The following PARD3 variants were observed in gnomAD, a reference collection of about 807,000 sequenced individuals.
PARD3 encodes par-3 family cell polarity regulator.
In PARD3, 75 loss-of-function variants were observed where a neutral mutation model predicts 155.4. That is an observed-to-expected ratio of 0.48 (90% confidence interval 0.40 to 0.58). The LOEUF is 0.58. Ranked by LOEUF, PARD3 falls within the 20% of genes least tolerant of loss-of-function variation. The probability of loss-of-function intolerance (pLI) is 0.00; values close to 1 mark genes in which losing one functional copy is unlikely to be tolerated. For missense variants in PARD3, 1,642 were observed against 1,721.7 expected, an observed-to-expected ratio of 0.95 and a Z score of 0.82; for synonymous variants, 576 against 610.5, an observed-to-expected ratio of 0.94 and a Z score of 0.83.
chr10:34,795,041 T>C (rs1341207751), intron 1 of PARD3, among the ~76,000 whole-genome samples: 1 of 152,236 alleles, frequency 6.6e-6, no homozygotes, highest in Non-Finnish European at 1.5e-5. Context: ...ACAATAAAGC[T>C]GTGCTGTCTT....
At chr10:34,751,345 G>C (rs1836007193) in intron 1 of PARD3, among the ~76,000 whole-genome samples, 1 of 152,156 alleles carries the variant, frequency 6.6e-6, no homozygotes, top group African/African-American at 2.4e-5. Flanking sequence ...GAGGTGCAGT[G>C]GCCAAAGCAA....
At chr10:34,570,292 G>A (rs1422201105) in intron 2 of PARD3, among the ~76,000 whole-genome samples, 2 of 152,094 alleles carry the variant, frequency 1.3e-5, no homozygotes, top group African/African-American at 2.4e-5. Context: ...GACTTTTCAG[G>A]AAAAATCAAG....
At chr10:34,224,298 C>G (rs185736382) in intron 22 of PARD3, among the ~76,000 whole-genome samples, 1 of 152,296 alleles carries the variant, frequency 6.6e-6, no homozygotes, top group Admixed American at 6.5e-5. Context: ...GCTGGACTGG[C>G]AAAAATCTCA....
rs2092547018 is a variant in PARD3 at position 34,638,089 on chromosome 10, C to T, written c.222+58229G>A. ...ATAGTCTGGTAGACAAAAGAATAAC[C>T]AAAAGATAATTTGGACATTGTGGAG... On this transcript the variant is annotated intron_variant, in intron 2 of 24. Coordinates refer to ENST00000374788, the MANE Select transcript of PARD3 (RefSeq NM_001184785.2). Among the ~76,000 whole-genome samples, 3 of 152,194 alleles carry T rather than the reference C, an allele frequency of 2.0e-5. No individual in the cohort carries two copies. In the South Asian group the frequency reaches 6.2e-4, roughly 32 times the overall value.
chr10:34,519,820 A>ACATAACATAAC (rs774383110), intron 2 of PARD3, among the ~76,000 whole-genome samples: 3 of 133,852 alleles, frequency 2.2e-5, no homozygotes, highest in Non-Finnish European at 3.2e-5. Flanking sequence ...TCTCAAAATA[A>ACATAACATAAC]ATAACATAAC....
chr10:34,610,592 CCAG>C (rs2090812890), intron 2 of PARD3, among the ~76,000 whole-genome samples: 1 of 152,090 alleles, frequency 6.6e-6, no homozygotes, highest in Non-Finnish European at 1.5e-5. Context: ...TTCTCAGGAG[CCAG>C]TATGATCGTG....
intron 19 of PARD3, among the ~76,000 whole-genome samples, chr10:34,330,245 A>G (rs1835473109): frequency 6.6e-6 from 1 of 152,188 alleles, no homozygotes; most frequent in Admixed American, 6.5e-5. Context: ...CTTAGTAAAT[A>G]TATCGGTAGA....
chr10:34,522,091 A>T (rs2082182729), intron 2 of PARD3, among the ~76,000 whole-genome samples: 1 of 152,216 alleles, frequency 6.6e-6, no homozygotes, highest in African/African-American at 2.4e-5. Flanking sequence ...CTTTGCAGAC[A>T]GGATGGAGGT....
At chr10:34,165,720 T>C (rs1949497597) in intron 22 of PARD3, among the ~76,000 whole-genome samples, 1 of 152,246 alleles carries the variant, frequency 6.6e-6, no homozygotes, top group Admixed American at 6.5e-5. Context: ...CTTTGTTGAC[T>C]AAAACGTTAA....
intron 1 of PARD3, among the ~76,000 whole-genome samples, chr10:34,701,935 G>C (rs781451647): frequency 1.3e-5 from 2 of 152,094 alleles, no homozygotes; most frequent in Non-Finnish European, 2.9e-5. Flanking sequence ...GGCCAAGGTG[G>C]GTGGATCACT....
At chr10:34,642,126 C>T (rs977562045) in intron 2 of PARD3, among the ~76,000 whole-genome samples, 4 of 152,012 alleles carry the variant, frequency 2.6e-5, no homozygotes, top group Non-Finnish European at 5.9e-5. Flanking sequence ...TGGGCCCATA[C>T]CTGGGTACAT....
intron 2 of PARD3, among the ~76,000 whole-genome samples, chr10:34,520,079 C>CA (rs1229244676): frequency 7.2e-5 from 11 of 152,024 alleles, no homozygotes; most frequent in Non-Finnish European, 1.3e-4. Flanking sequence ...TGTCTCAGGT[C>CA]AAAAACAGAA....
chr10:34,528,612 T>C (rs750726440), intron 2 of PARD3, among the ~76,000 whole-genome samples: 3 of 152,232 alleles, frequency 2.0e-5, no homozygotes, highest in Non-Finnish European at 4.4e-5. Flanking sequence ...TTCCTGTAAG[T>C]AGCAAGTTTT....
Position 34,517,227 on chromosome 10 carries a change from A to AT in PARD3, c.223-69dup, listed in dbSNP as rs2081833412. The AT allele has an allele frequency of 2.8e-6, 4 of 1,439,786 alleles. No homozygotes were observed. In the African/African-American group the frequency reaches 5.6e-5, roughly 20 times the overall value. The allele number at this position is 1,439,786 out of a possible 1,614,324, so 89.2% of individuals were successfully genotyped here. On this transcript the variant is annotated intron_variant, in intron 2 of 24. Coordinates refer to ENST00000374788, the MANE Select transcript of PARD3 (RefSeq NM_001184785.2). Reference sequence around the variant, plus strand: ...TAATTAACTACCAAAATTTTGTACTATTTTGACATAATTCTACAGTGCAAA... The same window carrying AT: ...TAATTAACTACCAAAATTTTGTACTATTTTTGACATAATTCTACAGTGCAAA...
chr10:34,231,525 G>A (rs1029698920), intron 22 of PARD3, among the ~76,000 whole-genome samples: 1 of 152,070 alleles, frequency 6.6e-6, no homozygotes, highest in African/African-American at 2.4e-5. Flanking sequence ...CCACAGGGCA[G>A]AGATGTGCAG....
intron 5 of PARD3, among the ~76,000 whole-genome samples, chr10:34,444,367 A>G (rs968564697): frequency 1.3e-5 from 2 of 152,252 alleles, no homozygotes; most frequent in African/African-American, 2.4e-5. Flanking sequence ...ATATAAGAAC[A>G]AAGTCAGCTT....
At chr10:34,147,519 T>C (rs2132929620) in intron 22 of PARD3, among the ~76,000 whole-genome samples, 1 of 151,994 alleles carries the variant, frequency 6.6e-6, no homozygotes, top group African/African-American at 2.4e-5. Context: ...GCTTAATATG[T>C]GGATAAAAAC....
intron 1 of PARD3, among the ~76,000 whole-genome samples, chr10:34,713,075 GGT>G (rs2094470542): frequency 6.6e-6 from 1 of 152,050 alleles, no homozygotes; most frequent in Non-Finnish European, 1.5e-5. Context: ...AGCCGGGCAT[GGT>G]GGCAGGCACC....
At chr10:34,151,172 ATTT>A (rs33965854) in intron 22 of PARD3, among the ~76,000 whole-genome samples, 7,569 of 147,454 alleles carry the variant, frequency 0.051, 455 homozygotes, top group African/African-American at 0.15. Flanking sequence ...TGTAAGCTTC[ATTT>A]TTTTTTTTTT....
Sources: allele counts gnomAD v4.1 joint callset (sites outside exome capture counted in the v4.1 genomes callset), GRCh38; gene constraint gnomAD v4.1.1; transcripts MANE v1.5; gene names NCBI Gene and HGNC (gene_info 2026-07-23, HGNC 2026-07-21).